MBTPS1: variants seen among roughly 807,000 people sequenced by gnomAD.
MBTPS1 encodes the protein membrane bound transcription factor peptidase, site 1, also known as membrane-bound transcription factor site-1 protease.
In MBTPS1, 94 loss-of-function variants were observed where a neutral mutation model predicts 127.8. The ratio of observed to expected loss-of-function variants is 0.74; its 90% CI spans 0.62 to 0.87. The LOEUF is 0.87. MBTPS1 is among the 40% of genes least tolerant of loss of function. The pLI is 0.00. For synonymous variants in MBTPS1, 632 were observed against 509.4 expected, an observed-to-expected ratio of 1.24 and a Z score of -3.24; for missense variants, 1,636 against 1,353.2, an observed-to-expected ratio of 1.21 and a Z score of -3.28.
intron 2 of MBTPS1, among the ~76,000 whole-genome samples, chr16:84,100,512 C>T (rs574819025): frequency 6.6e-6 from 1 of 151,884 alleles, no homozygotes; most frequent in Non-Finnish European, 1.5e-5. Context: ...CCATTGCACT[C>T]CAGCCTGGGC....
At chr16:84,066,770 C>G (rs2085690237) in intron 16 of MBTPS1, among the ~76,000 whole-genome samples, 157 bp from the exon 17 acceptor site, 2 of 152,214 alleles carry the variant, frequency 1.3e-5, no homozygotes, top group Non-Finnish European at 2.9e-5. Flanking sequence ...TTGGGTAAAA[C>G]TGCAAATTTA....
At chr16:84,093,086 C>T in intron 6 of MBTPS1, 102 bp downstream of exon 6, 1 of 809,616 alleles carries the variant, frequency 1.2e-6, no homozygotes, top group African/African-American at 1.7e-5. Context: ...CTCAGCGTCA[C>T]TGACGTGCAC....
intron 19 of MBTPS1, among the ~76,000 whole-genome samples, chr16:84,062,807 C>A (rs1261079100): frequency 6.6e-6 from 1 of 152,184 alleles, no homozygotes; most frequent in African/African-American, 2.4e-5. Context: ...CCCCTTCACG[C>A]CTCGAGATAA....
intron 12 of MBTPS1, 132 bp downstream of exon 12, chr16:84,074,465 C>T: frequency 1.2e-6 from 1 of 819,508 alleles, no homozygotes; most frequent in Non-Finnish European, 1.9e-6. Context: ...AAGTCCTGGG[C>T]TCAAGTGATC....
chr16:84,093,363 C>G, intron 5 of MBTPS1, 66 bp from the exon 6 acceptor site: 1 of 1,087,274 alleles, frequency 9.2e-7, no homozygotes, highest in Non-Finnish European at 1.4e-6. Context: ...ACGCAACATT[C>G]CAGGCCATGA....
intron 4 of MBTPS1, 114 bp from the exon 5 acceptor site, chr16:84,093,935 G>A (rs1019786572): frequency 2.6e-6 from 2 of 771,408 alleles, no homozygotes; most frequent in East Asian, 2.7e-5. Flanking sequence ...ATTGTGGAAG[G>A]CCAAAGCTGC....
At position 84,099,104 on chromosome 16, in the gene MBTPS1, T is replaced by G. The variant is rs1597345728; in HGVS notation, c.370A>C (p.Lys124Gln). 1 of 1,614,218 alleles carries G rather than the reference T, an allele frequency of 6.2e-7. No individual in the cohort carries two copies. Among genetic ancestry groups the G allele is most frequent in the South Asian group, 1.1e-5 (1 of 91,080 alleles). The change falls in exon 3 of 23, where the codon AAA (lysine) becomes CAA (glutamine). Residue 124 changes from lysine to glutamine, a missense_variant. Lys to Gln is a moderately conservative substitution (Grantham distance 53). Coordinates refer to ENST00000343411, the MANE Select transcript of MBTPS1 (RefSeq NM_003791.4). The stretch of plus-strand genomic sequence containing the variant: ...ACTTTTCGTTGGGGCGTGACCCGTT[T>G]GATGTTTGGATGATCTTCAAGTGTT... ...LLTLEDHPNI[K>Q]RVTPQRKVFR...
At chr16:84,082,954 C>T (rs751698439) in intron 10 of MBTPS1, among the ~76,000 whole-genome samples, 21 of 152,302 alleles carry the variant, frequency 1.4e-4, no homozygotes, top group Non-Finnish European at 2.2e-4. Flanking sequence ...GAGATCACAA[C>T]GGCAGTTTCA....
At chr16:84,069,825 C>T (rs779048891) in intron 14 of MBTPS1, 41 bp downstream of exon 14, 13 of 1,567,434 alleles carry the variant, frequency 8.3e-6, no homozygotes, top group South Asian at 2.3e-5. Context: ...CCTCCCACCA[C>T]GGAGGCTGGG....
intron 11 of MBTPS1, among the ~76,000 whole-genome samples, chr16:84,078,478 A>T (rs1249229389): frequency 8.6e-5 from 13 of 150,590 alleles, no homozygotes; most frequent in Admixed American, 8.6e-4. Context: ...CGATGCTCTC[A>T]ACCCAGACCA....
chr16:84,054,185 G>A lies in MBTPS1; in HGVS notation c.*264C>T, dbSNP rs1306987629. On this transcript the variant is annotated 3_prime_UTR_variant, in exon 23 of 23. Transcript: ENST00000343411. ...CAGACAGCCTTTCCAGTTCTCCCGA[G>A]TCTTTGGTGCGCACAGCTGCCGGCG... 1 of 318,464 alleles carries A rather than the reference G, an allele frequency of 3.1e-6. No individual in the cohort carries two copies. The highest frequency in any genetic ancestry group is 2.1e-5 in the African/African-American group (1 of 46,786). 19.7% of individuals were successfully genotyped at this position (318,464 alleles called of 1,614,324 possible).
At chr16:84,110,455 T>C (rs148512835) in intron 1 of MBTPS1, among the ~76,000 whole-genome samples, 1,967 of 152,316 alleles carry the variant, frequency 0.013, 63 homozygotes, top group Admixed American at 0.062. Flanking sequence ...TACTCTCATA[T>C]GTTGCTGGTG....
At chr16:84,075,893 C>T (rs2085848474) in intron 11 of MBTPS1, among the ~76,000 whole-genome samples, 1 of 152,196 alleles carries the variant, frequency 6.6e-6, no homozygotes, top group Admixed American at 6.5e-5. Context: ...TTTTAAAAAT[C>T]CTGAATGGAT....
chr16:84,085,453 G>A (rs17849057), intron 9 of MBTPS1, among the ~76,000 whole-genome samples: 110 of 151,832 alleles, frequency 7.2e-4, no homozygotes, highest in East Asian at 6.4e-3. Flanking sequence ...CTGTAGTCCC[G>A]GCTACTCAGG....
chr16:84,077,234 G>GA (rs1191331764), intron 11 of MBTPS1, among the ~76,000 whole-genome samples: 7,000 of 100,328 alleles, frequency 0.07, 322 homozygotes, highest in African/African-American at 0.16. Context: ...CATTAAAAAA[G>GA]AAAAAAAAAA....
At chr16:84,091,112 G>T (rs140189804) in intron 7 of MBTPS1, among the ~76,000 whole-genome samples, 170 bp from the exon 8 acceptor site, 2 of 152,132 alleles carry the variant, frequency 1.3e-5, no homozygotes, top group Admixed American at 1.3e-4. Flanking sequence ...GATACCACCC[G>T]GGACGGAGAA....
At chr16:84,077,377 G>T (rs909507482) in intron 11 of MBTPS1, among the ~76,000 whole-genome samples, 1 of 152,060 alleles carries the variant, frequency 6.6e-6, no homozygotes, top group African/African-American at 2.4e-5. Context: ...TCAAAACAGT[G>T]TGGTACCAGT....
intron 19 of MBTPS1, among the ~76,000 whole-genome samples, chr16:84,062,864 T>C (rs895078497): frequency 6.6e-6 from 1 of 152,128 alleles, no homozygotes; most frequent in Non-Finnish European, 1.5e-5. Flanking sequence ...GAATTCCAGG[T>C]CTGGAAGGAC....
In MBTPS1 at chr16:84,068,414, G is replaced by A; in HGVS notation, c.1996C>T (p.Gln666Ter). The A allele has an allele frequency of 6.2e-7, 1 of 1,614,166 alleles. No individual in the cohort carries two copies. The highest frequency in any genetic ancestry group is 8.5e-7 in the Non-Finnish European group (1 of 1,179,964). ...HIHTNFRDMY[Q>*]HLRSMGYFVE... ...AAGTAGCCCATGCTTCTCAGATGCTGGTACATATCCCTGAAATTGGTGTGG... is the reference window on the plus strand; with the variant it reads ...AAGTAGCCCATGCTTCTCAGATGCTAGTACATATCCCTGAAATTGGTGTGG... The change falls in exon 15 of 23, where the codon CAG becomes TAG. Residue 666 changes from glutamine to a stop codon, truncating the protein, a stop_gained. Transcript: ENST00000343411. LOFTEE classifies it high-confidence loss of function.
Sources: gnomAD v4.1 joint callset for allele counts (sites outside exome capture counted in the v4.1 genomes callset) on GRCh38, gnomAD v4.1.1 for gene constraint, MANE v1.5 for transcripts, NCBI Gene and HGNC (gene_info 2026-07-23, HGNC 2026-07-21) for gene names.